Variants in RASAL2 observed in about 807,000 individuals in gnomAD.
RASAL2 encodes ras GTPase-activating protein nGAP.
A neutral mutation model predicts 128.9 loss-of-function variants in RASAL2; 58 were observed. The observed-to-expected ratio is 0.45, with a 90% CI of 0.36 to 0.56. The LOEUF (loss-of-function observed/expected upper bound fraction) is 0.56. Ranked by LOEUF, RASAL2 falls within the 20% of genes least tolerant of loss-of-function variation. The probability of loss-of-function intolerance (pLI) is 0.00; values close to 1 mark genes in which losing one functional copy is unlikely to be tolerated. For synonymous variants in RASAL2, 561 were observed against 580.8 expected, an observed-to-expected ratio of 0.97 and a Z score of 0.49; for missense variants, 1,360 against 1,601.6, an observed-to-expected ratio of 0.85 and a Z score of 2.57.
chr1:178,398,697 T>TA (rs1673419185), intron 4 of RASAL2, among the ~76,000 whole-genome samples: 1 of 152,172 alleles, frequency 6.6e-6, no homozygotes, highest in Middle Eastern at 3.2e-3. Context: ...ATGTTTTTCT[T>TA]AAAAAATTTT....
At chr1:178,380,850 A>G (rs927385512) in intron 3 of RASAL2, among the ~76,000 whole-genome samples, 5 of 152,190 alleles carry the variant, frequency 3.3e-5, no homozygotes, top group Non-Finnish European at 5.9e-5. Flanking sequence ...CACTAGTATC[A>G]GTATTAGTCA....
intron 1 of RASAL2, among the ~76,000 whole-genome samples, chr1:178,262,795 A>ATT (rs34832691): frequency 1.5e-4 from 20 of 133,294 alleles, no homozygotes; most frequent in Admixed American, 3.8e-4. Flanking sequence ...CCCCCCACTC[A>ATT]TTTTTTTTTT....
intron 3 of RASAL2, among the ~76,000 whole-genome samples, chr1:178,366,213 A>G (rs563338967): frequency 2.0e-5 from 3 of 152,324 alleles, no homozygotes; most frequent in Admixed American, 6.5e-5. Context: ...ATGCATATAT[A>G]TAATAAAAAT....
At chr1:178,239,960 T>G (rs1388022113) in intron 1 of RASAL2, among the ~76,000 whole-genome samples, 1 of 152,082 alleles carries the variant, frequency 6.6e-6, no homozygotes, top group East Asian at 1.9e-4. Context: ...ATTTTTATTT[T>G]ATAAATTTTT....
intron 1 of RASAL2, among the ~76,000 whole-genome samples, chr1:178,128,509 T>C (rs1016309426): frequency 6.6e-6 from 1 of 152,154 alleles, no homozygotes; most frequent in Non-Finnish European, 1.5e-5. Context: ...AATAATACTC[T>C]GTACATCTTT....
chr1:178,437,888 T>G (rs1676358781), intron 5 of RASAL2, among the ~76,000 whole-genome samples: 1 of 152,076 alleles, frequency 6.6e-6, no homozygotes, highest in Non-Finnish European at 1.5e-5. Context: ...TTTTCTTTTT[T>G]GTTTTTTTAA....
intron 1 of RASAL2, among the ~76,000 whole-genome samples, chr1:178,177,125 G>A (rs556296090): frequency 1.3e-5 from 2 of 152,184 alleles, no homozygotes; most frequent in East Asian, 3.9e-4. Flanking sequence ...TGAATTAAGT[G>A]TGTGATACTG....
At chr1:178,285,170 G>A (rs1441200458) in intron 2 of RASAL2, among the ~76,000 whole-genome samples, 1 of 136,730 alleles carries the variant, frequency 7.3e-6, no homozygotes, top group East Asian at 2.1e-4. Context: ...CCGGACTGTG[G>A]ACTGCAGTGG....
At chr1:178,258,865 A>G (rs1665514107) in intron 1 of RASAL2, among the ~76,000 whole-genome samples, 1 of 152,356 alleles carries the variant, frequency 6.6e-6, no homozygotes, top group South Asian at 2.1e-4. Context: ...CCAAATGTTC[A>G]TCAACTGATG....
At chr1:178,230,197 A>G (rs1663946763) in intron 1 of RASAL2, among the ~76,000 whole-genome samples, 1 of 152,178 alleles carries the variant, frequency 6.6e-6, no homozygotes, top group African/African-American at 2.4e-5. Flanking sequence ...GTATTTAGAC[A>G]TTCTTTTGTG....
Position 178,363,510 on chromosome 1 carries a change from C to T in RASAL2, c.458-26590C>T, listed in dbSNP as rs540630027. 5.6e-4 allele frequency among the ~76,000 whole-genome samples: 85 copies of T among 152,132 alleles called. 4 individuals are homozygous for T. In the South Asian group the frequency reaches 0.015, roughly 26 times the overall value. Reference sequence around the variant, plus strand: ...CAAAAAAAGGCTATTAACTTTTATCCGGTACCACACGTCCAAAGTTAGATT... The same window carrying T: ...CAAAAAAAGGCTATTAACTTTTATCTGGTACCACACGTCCAAAGTTAGATT... On this transcript the variant is annotated intron_variant, in intron 3 of 17. Coordinates refer to ENST00000367649, the MANE Select transcript of RASAL2 (RefSeq NM_170692.4).
intron 3 of RASAL2, among the ~76,000 whole-genome samples, chr1:178,333,216 G>T (rs1308197715): frequency 1.3e-5 from 2 of 151,466 alleles, no homozygotes; most frequent in African/African-American, 4.9e-5. Flanking sequence ...TTTTAGTAGA[G>T]ATGGGGTTTC....
chr1:178,443,534 G>C (rs1337050463), intron 8 of RASAL2, among the ~76,000 whole-genome samples: 1 of 152,114 alleles, frequency 6.6e-6, no homozygotes, highest in Non-Finnish European at 1.5e-5. Flanking sequence ...CATGTTCAAG[G>C]TTCCTTATCT....
intron 5 of RASAL2, among the ~76,000 whole-genome samples, chr1:178,421,363 G>T (rs1442104312): frequency 6.6e-6 from 1 of 152,078 alleles, no homozygotes; most frequent in Non-Finnish European, 1.5e-5. Flanking sequence ...GACACATCAT[G>T]TCTCGATAAT....
chr1:178,152,508 G>A (rs988110199), intron 1 of RASAL2, among the ~76,000 whole-genome samples: 4 of 152,052 alleles, frequency 2.6e-5, no homozygotes, highest in African/African-American at 4.8e-5. Context: ...TGAGACTGGT[G>A]CCTGGAATTA....
chr1:178,180,485 C>CAAAAAAAAAAAAAAAAAAAAA (rs71108033), intron 1 of RASAL2, among the ~76,000 whole-genome samples: 1 of 72,562 alleles, frequency 1.4e-5, no homozygotes, highest in Non-Finnish European at 2.6e-5. Context: ...TCATCTCTAC[C>CAAAAAAAAAAAAAAAAAAAAA]AAAAAAAAAA....
intron 1 of RASAL2, among the ~76,000 whole-genome samples, chr1:178,232,211 T>C (rs898782895): frequency 6.6e-6 from 1 of 152,096 alleles, no homozygotes; most frequent in African/African-American, 2.4e-5. Context: ...TTTTCAGGGG[T>C]TTATGAGCAG....
intron 3 of RASAL2, among the ~76,000 whole-genome samples, chr1:178,331,365 C>T (rs551772655): frequency 7.5e-4 from 114 of 152,154 alleles, no homozygotes; most frequent in African/African-American, 2.7e-3. Context: ...CTCCCGTGTC[C>T]TATGACATTG....
Position 178,300,049 on chromosome 1 carries a change from A to G in RASAL2, c.388A>G (p.Arg130Gly), listed in dbSNP as rs1335402570. The G allele has an allele frequency of 6.2e-7, 1 of 1,614,024 alleles. No individual in the cohort carries two copies. The highest frequency in any genetic ancestry group is 8.5e-7 in the Non-Finnish European group (1 of 1,179,936). Reference sequence around the variant, plus strand: ...AGATTCCACCAAAGGGCGATGCCTGAGGAGAACTGTCAGTGTCCCTTCCGA... The same window carrying G: ...AGATTCCACCAAAGGGCGATGCCTGGGGAGAACTGTCAGTGTCCCTTCCGA... The part of the protein sequence containing the change: ...QTDSTKGRCL[R>G]RTVSVPSEGQ... The change falls in exon 3 of 18, where the codon AGG becomes GGG. Residue 130 changes from arginine to glycine, a missense_variant. Around this residue, in one of 3 missense-constraint regions of RASAL2, gnomAD observed 617 missense variants for 714.2 expected, o/e 0.86. Coordinates refer to ENST00000367649, the MANE Select transcript of RASAL2 (RefSeq NM_170692.4).
Sources: gnomAD v4.1 joint callset for allele counts (sites outside exome capture counted in the v4.1 genomes callset) on GRCh38, gnomAD v4.1.1 for gene constraint, gnomAD v4.1.1 regional missense constraint, MANE v1.5 for transcripts, NCBI Gene and HGNC (gene_info 2026-07-23, HGNC 2026-07-21) for gene names.